Variants in ACCS observed in about 807,000 individuals in gnomAD.
The protein encoded by ACCS is 1-aminocyclopropane-1-carboxylate synthase homolog (inactive).
Under a neutral mutation model 59.8 loss-of-function variants are expected in ACCS, and 42 were observed. The ratio of observed to expected loss-of-function variants is 0.70; its 90% CI spans 0.55 to 0.91. The LOEUF (loss-of-function observed/expected upper bound fraction) is 0.91. ACCS is among the 40% of genes least tolerant of loss of function. ACCS has a pLI of 0.00. For synonymous variants in ACCS, 230 were observed against 240.3 expected, an observed-to-expected ratio of 0.96 and a Z score of 0.40; for missense variants, 602 against 630.4, an observed-to-expected ratio of 0.95 and a Z score of 0.48.
At chr11:44,068,007 T>G in intron 2 of ACCS, 92 bp downstream of exon 2, 1 of 1,400,424 alleles carries the variant, frequency 7.1e-7, no homozygotes, top group Non-Finnish European at 9.5e-7. Context: ...CAGCCTGCTC[T>G]TATGAGGTTG....
At chr11:44,072,744 C>G (rs1590469740) in intron 3 of ACCS, among the ~76,000 whole-genome samples, 1 of 152,012 alleles carries the variant, frequency 6.6e-6, no homozygotes, top group African/African-American at 2.4e-5. Flanking sequence ...TCAGATGAAC[C>G]ACATTTCAAA....
intron 3 of ACCS, among the ~76,000 whole-genome samples, chr11:44,072,758 T>C (rs1304420198): frequency 1.4e-4 from 21 of 152,184 alleles, no homozygotes; most frequent in Admixed American, 1.4e-3. Flanking sequence ...TTTCAAATGT[T>C]CATTAGCCAC....
chr11:44,078,884 G>A, intron 9 of ACCS, 100 bp downstream of exon 9: 1 of 946,734 alleles, frequency 1.1e-6, no homozygotes, highest in Non-Finnish European at 1.6e-6. Context: ...CCCACTGTGG[G>A]CTGCTACTTG....
intron 8 of ACCS, 40 bp downstream of exon 8, chr11:44,077,962 G>T (rs1226859073): frequency 1.2e-6 from 2 of 1,603,498 alleles, no homozygotes; most frequent in Middle Eastern, 1.7e-4. Context: ...GGTGTGGGTG[G>T]GTCTGAGCAG....
At chr11:44,071,785 T>C (rs1258085063) in intron 3 of ACCS, 1 of 153,700 alleles carries the variant, frequency 6.5e-6, no homozygotes, top group Non-Finnish European at 1.4e-5. Context: ...TATAGACATG[T>C]AGACAGAACT....
intron 7 of ACCS, 81 bp downstream of exon 7, chr11:44,077,457 A>G: frequency 1.9e-6 from 3 of 1,594,186 alleles, no homozygotes; most frequent in African/African-American, 1.3e-5. Flanking sequence ...AGGGTGGTCC[A>G]TGCTGAGGGC....
At chr11:44,074,106 G>A (rs1389614465) in intron 4 of ACCS, among the ~76,000 whole-genome samples, 1 of 152,162 alleles carries the variant, frequency 6.6e-6, no homozygotes, top group Non-Finnish European at 1.5e-5. Context: ...CACTGGGCTT[G>A]AGTGTGGACT....
intron 10 of ACCS, among the ~76,000 whole-genome samples, chr11:44,079,938 A>G (rs2134887791): frequency 6.6e-6 from 1 of 152,228 alleles, no homozygotes; most frequent in South Asian, 2.1e-4. Flanking sequence ...TCATTCATTC[A>G]TTTACTCATT....
In ACCS at chr11:44,067,685, T is replaced by C. The variant is rs141016787; in HGVS notation, c.58T>C (p.Cys20Arg). ...RAPTTCLGPT[C>R]MQDLGSSHGE... Reference sequence around the variant, plus strand: ...TCCCACCACCTGTCTGGGCCCCACCTGCATGCAGGACCTGGGCAGTAGCCA... The same window carrying C: ...TCCCACCACCTGTCTGGGCCCCACCCGCATGCAGGACCTGGGCAGTAGCCA... The change falls in exon 2 of 15, where the codon TGC becomes CGC. Residue 20 changes from cysteine to arginine, a missense_variant. By Grantham distance (180) the Cys-to-Arg change is radical (BLOSUM62 -3). Coordinates refer to ENST00000263776, the MANE Select transcript of ACCS (RefSeq NM_032592.4). 8.6e-5 allele frequency: 139 copies of C among 1,614,158 alleles called. No individual in the cohort carries two copies. The highest frequency in any genetic ancestry group is 1.2e-4 in the Non-Finnish European group (138 of 1,180,008).
chr11:44,066,960 C>T (rs538444402), intron 1 of ACCS, among the ~76,000 whole-genome samples: 2 of 152,338 alleles, frequency 1.3e-5, no homozygotes, highest in South Asian at 4.1e-4. Context: ...TTCACGGCCA[C>T]CCCGAGGTGG....
Position 44,081,338 on chromosome 11 carries a change from G to C in ACCS, c.1111+18G>C. On this transcript the variant is annotated intron_variant, in intron 12 of 14. Coordinates refer to ENST00000263776, the MANE Select transcript of ACCS (RefSeq NM_032592.4). ...GGACCGTGGTGACTGCCTGGGCCTG[G>C]TGACCTGAAAATGGGAGGAGGGTTG... 6.2e-7 allele frequency: 1 copy of C among 1,611,084 alleles called. No homozygotes were observed. Among genetic ancestry groups the C allele is most frequent in the Non-Finnish European group, 8.5e-7 (1 of 1,177,798 alleles).
intron 3 of ACCS, chr11:44,072,085 A>G (rs1184248351): frequency 3.9e-5 from 6 of 152,198 alleles, no homozygotes; most frequent in Non-Finnish European, 8.8e-5. Context: ...TCCTTAACCC[A>G]AAGGAACATA....
rs1211036783 is a variant in ACCS, at chr11:44,066,641, AC to A, written c.-57del. 1.3e-5 allele frequency: 2 copies of A among 151,766 alleles called. No homozygotes were observed. The highest frequency in any genetic ancestry group is 1.3e-4 in the Admixed American group (2 of 15,238). The allele number at this position is 151,766 out of a possible 1,614,324, so 9.4% of individuals were successfully genotyped here. ...CCCCCCTACCCCAGGCTTTACTCCC[AC>A]CCCGGCTTCCGCCCACTGTGCTGCC... On this transcript the variant is annotated 5_prime_UTR_variant, in exon 1 of 15. Transcript: ENST00000263776.
chr11:44,077,167 C>T (rs1021425718), intron 6 of ACCS, 112 bp from the exon 7 acceptor site: 1 of 1,230,344 alleles, frequency 8.1e-7, no homozygotes, highest in African/African-American at 1.5e-5. Context: ...AAGTATGCCC[C>T]AAACGGTCCC....
At chr11:44,068,113 A>G (rs1435776774) in intron 2 of ACCS, among the ~76,000 whole-genome samples, 198 bp downstream of exon 2, 1 of 152,102 alleles carries the variant, frequency 6.6e-6, no homozygotes, top group Non-Finnish European at 1.5e-5. Flanking sequence ...TTTAGAATAT[A>G]GGGGACCTTG....
chr11:44,078,448 T>A (rs178526), intron 8 of ACCS: 130,337 of 454,124 alleles, frequency 0.29, 20,910 homozygotes, highest in Admixed American at 0.48. Context: ...CCCAAAATTC[T>A]ACCAACAAAG....
intron 8 of ACCS, 195 bp downstream of exon 8, chr11:44,078,117 A>C: frequency 1.5e-6 from 1 of 656,108 alleles, no homozygotes; most frequent in Non-Finnish European, 2.5e-6. Context: ...CCCTTTCAAA[A>C]CAGACTCTCA....
chr11:44,072,417 A>C (rs899553137), intron 3 of ACCS: 1 of 152,036 alleles, frequency 6.6e-6, no homozygotes, highest in Non-Finnish European at 1.5e-5. Context: ...TGGCCTCCCA[A>C]AGTGCTAGGA....
chr11:44,077,168 A>T (rs967241816), intron 6 of ACCS, 111 bp from the exon 7 acceptor site: 2 of 1,245,074 alleles, frequency 1.6e-6, no homozygotes, highest in African/African-American at 3.1e-5. Flanking sequence ...AGTATGCCCC[A>T]AACGGTCCCC....
Sources: gnomAD v4.1 joint callset for allele counts (sites outside exome capture counted in the v4.1 genomes callset) on GRCh38, gnomAD v4.1.1 for gene constraint, MANE v1.5 for transcripts, NCBI Gene and HGNC (gene_info 2026-07-23, HGNC 2026-07-21) for gene names.